The following LPP variants were observed in gnomAD, a reference collection of about 807,000 sequenced individuals.
LPP encodes the protein LIM domain containing preferred translocation partner in lipoma.
LPP carries 38 observed loss-of-function variants against 60.4 expected under a neutral mutation model. The ratio of observed to expected loss-of-function variants is 0.63; its 90% confidence interval spans 0.49 to 0.83. The LOEUF (loss-of-function observed/expected upper bound fraction) is 0.83. LPP is among the 40% of genes least tolerant of loss of function. The pLI is 0.00. For synonymous variants in LPP, 328 were observed against 290.8 expected (o/e 1.13, Z -1.30); for missense variants, 902 against 783.6 (o/e 1.15, Z -1.80).
intron 4 of LPP, among the ~76,000 whole-genome samples, chr3:188,461,982 A>G (rs1157432131): frequency 2.0e-5 from 3 of 152,158 alleles, no homozygotes; most frequent in Non-Finnish European, 4.4e-5. Context: ...TTAAAGTTTG[A>G]TATTTACCAA....
intron 7 of LPP, among the ~76,000 whole-genome samples, chr3:188,693,114 A>G (rs77170209): frequency 6.6e-6 from 1 of 152,188 alleles, no homozygotes; most frequent in East Asian, 1.9e-4. Context: ...ATTACATGAA[A>G]CTCATTTTAT....
intron 3 of LPP, among the ~76,000 whole-genome samples, chr3:188,404,568 T>G (rs927221867): frequency 6.6e-6 from 1 of 152,130 alleles, no homozygotes; most frequent in Non-Finnish European, 1.5e-5. Flanking sequence ...AGTGAAACTA[T>G]CTGAGGCTCT....
chr3:188,424,413 G>A (rs1310880923), intron 4 of LPP, among the ~76,000 whole-genome samples: 1 of 152,070 alleles, frequency 6.6e-6, no homozygotes, highest in African/African-American at 2.4e-5. Context: ...TGTTCTTTTT[G>A]CTTAGGATTG....
intron 4 of LPP, 89 bp downstream of exon 4, chr3:188,406,402 CGTA>C: frequency 7.9e-7 from 1 of 1,270,400 alleles, no homozygotes; most frequent in East Asian, 2.4e-5. Context: ...GTCAGAAAAA[CGTA>C]GTTTGTGAAT....
chr3:188,636,214 C>A (rs925405144), intron 7 of LPP, among the ~76,000 whole-genome samples: 3 of 152,124 alleles, frequency 2.0e-5, no homozygotes, highest in Admixed American at 1.3e-4. Context: ...GTGTGCGAGC[C>A]GAAGCAGGGC....
intron 4 of LPP, among the ~76,000 whole-genome samples, chr3:188,429,475 G>A (rs1790357787): frequency 1.3e-5 from 2 of 152,128 alleles, no homozygotes; most frequent in Non-Finnish European, 2.9e-5. Context: ...TCTTAGGTTT[G>A]CATTGGCCTT....
At chr3:188,762,915 C>T (rs560523304) in intron 9 of LPP, among the ~76,000 whole-genome samples, 3 of 152,006 alleles carry the variant, frequency 2.0e-5, no homozygotes, top group Non-Finnish European at 4.4e-5. Flanking sequence ...AATATTGATT[C>T]GAGTTCAGCA....
intron 6 of LPP, among the ~76,000 whole-genome samples, chr3:188,539,788 T>C (rs1824650002): frequency 6.6e-6 from 1 of 152,170 alleles, no homozygotes; most frequent in South Asian, 2.1e-4. Context: ...CAAATGAATC[T>C]TGGCAGTAAT....
At chr3:188,407,402 G>C (rs942530206) in intron 4 of LPP, among the ~76,000 whole-genome samples, 14 of 152,202 alleles carry the variant, frequency 9.2e-5, no homozygotes, top group African/African-American at 3.1e-4. Flanking sequence ...CAGATGTCTA[G>C]CTTGTGTAAG....
intron 4 of LPP, among the ~76,000 whole-genome samples, chr3:188,441,609 C>CTTTTCTTTTTGTTTTTTTTTTTTTTTTT (rs1793896698): frequency 1.8e-5 from 1 of 55,652 alleles, no homozygotes; most frequent in African/African-American, 7.5e-5. Context: ...CTTTTCTTTT[C>CTTTTCTTTTTGTTTTTTTTTTTTTTTTT]TTTTTTTTTT....
At chr3:188,852,798 A>G (rs1762966546) in intron 9 of LPP, among the ~76,000 whole-genome samples, 2 of 152,180 alleles carry the variant, frequency 1.3e-5, no homozygotes, top group South Asian at 4.1e-4. Flanking sequence ...ATAGCAACTG[A>G]GGACTTCAAA....
Position 188,884,515 on chromosome 3 carries a change from T to A in LPP, c.*10036T>A, listed in dbSNP as rs552902168. 37 of 229,386 alleles carry A rather than the reference T, an allele frequency of 1.6e-4. No homozygotes were observed. Among genetic ancestry groups the A allele is most frequent in the Middle Eastern group, 1.3e-3 (1 of 764 alleles). 14.2% of individuals were successfully genotyped at this position (229,386 alleles called of 1,614,324 possible). A position where few individuals can be genotyped will look rare whatever the true frequency, so the allele number is the denominator to read the frequency against. Reference sequence around the variant, plus strand: ...CTGTCTGATCAGCACTGTGAGGAAGTTGGTGGGAAAAGGCCACTGATAAGA... The same window carrying A: ...CTGTCTGATCAGCACTGTGAGGAAGATGGTGGGAAAAGGCCACTGATAAGA... On this transcript the variant is annotated 3_prime_UTR_variant, in exon 12 of 12. Transcript: ENST00000617246.
rs142251759 is a variant in LPP, at chr3:188,772,611, C to T, written c.1410+12329C>T. 2.5e-3 allele frequency among the ~76,000 whole-genome samples: 377 copies of T among 152,294 alleles called. 4 individuals carry two copies. The Middle Eastern group carries it at 0.037, about 15-fold the overall frequency. ...CTGGGTTCGCGCCATTCTCCTGCCT[C>T]GGCCTCCCGAGTAGCTGGGACTACA... On this transcript the variant is annotated intron_variant, in intron 9 of 11. Transcript: ENST00000617246.
At chr3:188,168,759 A>G (rs936557654) in intron 1 of LPP, among the ~76,000 whole-genome samples, 3 of 152,256 alleles carry the variant, frequency 2.0e-5, no homozygotes, top group African/African-American at 4.8e-5. Context: ...TTTAAAGTCA[A>G]TTAAGAGCCT....
chr3:188,596,016 A>G (rs1839912242), intron 6 of LPP, among the ~76,000 whole-genome samples: 1 of 152,106 alleles, frequency 6.6e-6, no homozygotes, highest in African/African-American at 2.4e-5. Context: ...TGTGGTCACT[A>G]CAGGATTTAT....
intron 8 of LPP, among the ~76,000 whole-genome samples, chr3:188,741,726 A>G (rs1311369336): frequency 1.3e-5 from 2 of 152,030 alleles, no homozygotes; most frequent in Non-Finnish European, 2.9e-5. Flanking sequence ...ACAACCTTAG[A>G]TAGGCAAATA....
intron 6 of LPP, among the ~76,000 whole-genome samples, chr3:188,558,204 A>G (rs1829925618): frequency 6.6e-6 from 1 of 151,972 alleles, no homozygotes; most frequent in Admixed American, 6.6e-5. Context: ...CAGAACGAAA[A>G]CGCATGTATT....
intron 2 of LPP, among the ~76,000 whole-genome samples, chr3:188,264,212 G>C (rs1734639629): frequency 6.6e-6 from 1 of 151,968 alleles, no homozygotes; most frequent in Non-Finnish European, 1.5e-5. Flanking sequence ...TTATAGATCT[G>C]TTACCTTCTA....
In LPP at chr3:188,885,114, C is replaced by G. The variant is rs57987024; in HGVS notation, c.*10635C>G. On this transcript the variant is annotated 3_prime_UTR_variant, in exon 12 of 12. Transcript: ENST00000617246. ...AGCTGCGTCCCTCAGGAAGCTGTAC[C>G]TTTAGGGTGTGCTTTCCACTTTTTA... is the stretch of plus-strand genomic sequence containing the variant. The G allele has an allele frequency of 4.7e-6, 1 of 213,610 alleles. No homozygotes were observed. The highest frequency in any genetic ancestry group is 7.0e-5 in the East Asian group (1 of 14,214). 13.2% of individuals were successfully genotyped at this position (213,610 alleles called of 1,614,324 possible).
Sources: gnomAD v4.1 joint callset for allele counts (sites outside exome capture counted in the v4.1 genomes callset) on GRCh38, gnomAD v4.1.1 for gene constraint, MANE v1.5 for transcripts, NCBI Gene and HGNC (gene_info 2026-07-23, HGNC 2026-07-21) for gene names.